Variants in TBC1D15 observed in about 807,000 individuals in gnomAD.
TBC1D15 encodes the protein GAP for RAB7.
In TBC1D15, 39 loss-of-function variants were observed where a neutral mutation model predicts 95.4. The ratio of observed to expected loss-of-function variants is 0.41; its 90% confidence interval spans 0.32 to 0.53. The LOEUF (loss-of-function observed/expected upper bound fraction) is 0.53. Ranked by LOEUF, TBC1D15 falls within the 20% of genes least tolerant of loss-of-function variation. TBC1D15 has a pLI of 0.29. For missense variants in TBC1D15, 733 were observed against 794.3 expected, an observed-to-expected ratio of 0.92 and a Z score of 0.93; for synonymous variants, 258 against 261.3, an observed-to-expected ratio of 0.99 and a Z score of 0.12.
chr12:71,841,662 A>G (rs1001810051), intron 1 of TBC1D15, among the ~76,000 whole-genome samples: 1 of 152,172 alleles, frequency 6.6e-6, no homozygotes, highest in African/African-American at 2.4e-5. Context: ...CTTCTTTACT[A>G]TCAGCGCATA....
chr12:71,881,819 G>A (rs1895209471), intron 4 of TBC1D15, among the ~76,000 whole-genome samples: 1 of 151,246 alleles, frequency 6.6e-6, no homozygotes, highest in Non-Finnish European at 1.5e-5. Context: ...TGGGGAAGCC[G>A]AGGCAGGGGA....
At chr12:71,918,379 G>A in intron 13 of TBC1D15, 72 bp from the exon 14 acceptor site, 2 of 980,418 alleles carry the variant, frequency 2.0e-6, no homozygotes, top group South Asian at 1.7e-5. Context: ...AGGAAAGTTA[G>A]AGAAAAGTAA....
Position 71,923,093 on chromosome 12 carries a change from A to G in TBC1D15, c.1914A>G (p.Thr638=), listed in dbSNP as rs1302212860. 9.9e-6 allele frequency: 16 copies of G among 1,614,100 alleles called. No homozygotes were observed. Among genetic ancestry groups the G allele is most frequent in the Non-Finnish European group, 1.4e-5 (16 of 1,180,042 alleles). The stretch of plus-strand genomic sequence containing the variant: ...ATGTTGTCATGACTCCTTGTCCTAC[A>G]TCTGCATTTCAAAGTAATGCCTTGC... ...DENVVMTPCP[T]SAFQSNALPT... Residue 638 remains threonine (T), a synonymous_variant, in exon 17 of 17, where the codon ACA becomes ACG. Coordinates refer to ENST00000485960, the MANE Select transcript of TBC1D15 (RefSeq NM_001146213.3).
At chr12:71,852,584 G>A (rs1189893089) in intron 1 of TBC1D15, among the ~76,000 whole-genome samples, 1 of 152,138 alleles carries the variant, frequency 6.6e-6, no homozygotes, top group East Asian at 1.9e-4. Context: ...GTATGCATAT[G>A]AGCATAGGTT....
intron 1 of TBC1D15, among the ~76,000 whole-genome samples, chr12:71,865,214 G>A (rs543495350): frequency 5.8e-4 from 88 of 152,290 alleles, no homozygotes; most frequent in African/African-American, 2.0e-3. Flanking sequence ...GCCTGCTCTG[G>A]CTGTGTTGGA....
At chr12:71,884,709 C>T (rs1895885490) in intron 4 of TBC1D15, 102 bp from the exon 5 acceptor site, 1 of 983,646 alleles carries the variant, frequency 1.0e-6, no homozygotes, top group Non-Finnish European at 1.6e-6. Flanking sequence ...TATACTGATT[C>T]CCTGGGTTCA....
chr12:71,875,647 T>C (rs192105588), intron 3 of TBC1D15, among the ~76,000 whole-genome samples: 4 of 152,224 alleles, frequency 2.6e-5, no homozygotes, highest in Admixed American at 1.3e-4. Context: ...TGGTCCATTT[T>C]GAGTTAATTT....
chr12:71,846,933 G>A (rs1269431381), intron 1 of TBC1D15, among the ~76,000 whole-genome samples: 1 of 151,694 alleles, frequency 6.6e-6, no homozygotes, highest in African/African-American at 2.4e-5. Flanking sequence ...GCTAGTTTTT[G>A]TATTTTTTGT....
intron 1 of TBC1D15, among the ~76,000 whole-genome samples, chr12:71,858,557 C>CTTT (rs1320497569): frequency 4.3e-5 from 4 of 93,356 alleles, no homozygotes; most frequent in African/African-American, 1.6e-4. Context: ...TTTTCTTTTT[C>CTTT]TTTTTTTTTT....
chr12:71,848,273 T>C (rs1258475858), intron 1 of TBC1D15, among the ~76,000 whole-genome samples: 2 of 152,220 alleles, frequency 1.3e-5, no homozygotes, highest in Non-Finnish European at 2.9e-5. Flanking sequence ...CCAAATTGTT[T>C]TCCAAAGTAG....
intron 10 of TBC1D15, among the ~76,000 whole-genome samples, chr12:71,905,495 T>G (rs1276829986): frequency 6.6e-6 from 1 of 152,090 alleles, no homozygotes; most frequent in South Asian, 2.1e-4. Context: ...CTGGGTAATT[T>G]TTGTATTTTT....
At chr12:71,913,379 A>G (rs1365740094) in intron 11 of TBC1D15, 3 of 153,842 alleles carry the variant, frequency 2.0e-5, no homozygotes, top group African/African-American at 7.2e-5. Context: ...TGGGCTTGCA[A>G]CTTTCTTGTT....
chr12:71,921,647 A>G (rs1341768664), intron 16 of TBC1D15, among the ~76,000 whole-genome samples, 193 bp downstream of exon 16: 1 of 152,230 alleles, frequency 6.6e-6, no homozygotes, highest in African/African-American at 2.4e-5. Flanking sequence ...GCAGATAGGA[A>G]ACAGCTAATA....
intron 1 of TBC1D15, among the ~76,000 whole-genome samples, chr12:71,859,462 C>T (rs1889898392): frequency 6.6e-6 from 1 of 151,924 alleles, no homozygotes; most frequent in Admixed American, 6.6e-5. Context: ...TCTTGTTTGT[C>T]TGTTTTTGCT....
intron 3 of TBC1D15, among the ~76,000 whole-genome samples, chr12:71,875,919 T>G (rs1448048304): frequency 6.6e-6 from 1 of 152,062 alleles, no homozygotes; most frequent in Non-Finnish European, 1.5e-5. Flanking sequence ...TGCCTCAGCC[T>G]CTCGAGTAGC....
chr12:71,884,774 G>A, intron 4 of TBC1D15, 37 bp from the exon 5 acceptor site: 1 of 1,605,608 alleles, frequency 6.2e-7, no homozygotes, highest in Non-Finnish European at 8.5e-7. Flanking sequence ...TTAAAAAGGT[G>A]AACAAAAATA....
intron 4 of TBC1D15, among the ~76,000 whole-genome samples, chr12:71,881,421 C>T (rs1895100887): frequency 6.6e-6 from 1 of 152,148 alleles, no homozygotes; most frequent in Non-Finnish European, 1.5e-5. Context: ...ATTGAAATCA[C>T]CTGGGTAGGT....
chr12:71,846,058 A>G (rs557616654), intron 1 of TBC1D15, among the ~76,000 whole-genome samples: 72 of 152,264 alleles, frequency 4.7e-4, no homozygotes, highest in African/African-American at 1.7e-3. Flanking sequence ...TAAAAGTTGA[A>G]TTTATCTGTT....
intron 15 of TBC1D15, 66 bp downstream of exon 15, chr12:71,920,913 A>C: frequency 8.8e-7 from 1 of 1,132,452 alleles, no homozygotes. Context: ...TGATATACAG[A>C]ACGTTTCCTT....
Sources: allele counts gnomAD v4.1 joint callset (sites outside exome capture counted in the v4.1 genomes callset), GRCh38; gene constraint gnomAD v4.1.1; transcripts MANE v1.5; gene names NCBI Gene and HGNC (gene_info 2026-07-23, HGNC 2026-07-21).